The following GRIA4 variants were observed in gnomAD, a reference collection of about 807,000 sequenced individuals.
The protein encoded by GRIA4 is glutamate receptor 4.
A neutral mutation model predicts 104.0 loss-of-function variants in GRIA4; 34 were observed. That is an observed-to-expected ratio of 0.33 (90% CI 0.25 to 0.44). GRIA4 has a LOEUF of 0.44. Ranked by LOEUF, GRIA4 falls within the 20% of genes least tolerant of loss-of-function variation. The pLI, the probability that GRIA4 is intolerant of heterozygous loss-of-function variation, is 1.00. For synonymous variants in GRIA4, 386 were observed against 381.9 expected (o/e 1.01, Z -0.13); for missense variants, 750 against 1,096.5 (o/e 0.68, Z 4.46).
chr11:105,966,189 G>C, intron 14 of GRIA4: 1 of 642,442 alleles, frequency 1.6e-6, no homozygotes, highest in Non-Finnish European at 2.8e-6. Flanking sequence ...GCAAACTTAC[G>C]TATGCAGTTA....
intron 3 of GRIA4, among the ~76,000 whole-genome samples, chr11:105,619,658 T>G (rs1428273091): frequency 6.6e-6 from 1 of 151,960 alleles, no homozygotes; most frequent in Non-Finnish European, 1.5e-5. Flanking sequence ...AGGAGGTCAA[T>G]GAATTCTCCT....
chr11:105,903,936 T>C lies in GRIA4; in HGVS notation c.1008T>C (p.Ala336=). Residue 336 remains alanine (A), a synonymous_variant, in exon 8 of 17, where the codon GCT becomes GCC. Transcript: ENST00000282499. ...GNAGDCLANP[A]APWGQGIDME... ...CTGGGGATTGTCTGGCAAATCCTGC[T>C]GCTCCATGGGGCCAGGGAATTGACA... The C allele has an allele frequency of 1.2e-6, 2 of 1,613,600 alleles. No homozygotes were observed. Among genetic ancestry groups the C allele is most frequent in the Non-Finnish European group, 1.7e-6 (2 of 1,179,530 alleles).
intron 4 of GRIA4, among the ~76,000 whole-genome samples, chr11:105,819,902 G>A (rs1468628073): frequency 6.6e-6 from 1 of 152,050 alleles, no homozygotes; most frequent in African/African-American, 2.4e-5. Flanking sequence ...GGAGCAGGGT[G>A]GGCCTCTAAC....
chr11:105,744,183 G>A (rs1939504735), intron 3 of GRIA4, among the ~76,000 whole-genome samples: 1 of 151,996 alleles, frequency 6.6e-6, no homozygotes, highest in Non-Finnish European at 1.5e-5. Context: ...GCCCTGTCTT[G>A]TCCACTAGAC....
At chr11:105,636,324 C>G (rs1489777043) in intron 3 of GRIA4, among the ~76,000 whole-genome samples, 1 of 152,148 alleles carries the variant, frequency 6.6e-6, no homozygotes, top group African/African-American at 2.4e-5. Flanking sequence ...CTATACTTCT[C>G]TCATAATTTC....
chr11:105,779,955 A>G (rs1419765679), intron 4 of GRIA4, among the ~76,000 whole-genome samples: 2 of 152,216 alleles, frequency 1.3e-5, no homozygotes, highest in African/African-American at 2.4e-5. Flanking sequence ...GTGGGGGCAT[A>G]TCACACTGAC....
intron 5 of GRIA4, among the ~76,000 whole-genome samples, chr11:105,883,894 CAGTGTAAAAG>C (rs1946158804): frequency 1.3e-5 from 2 of 152,138 alleles, no homozygotes; most frequent in Non-Finnish European, 2.9e-5. Context: ...GTCCCACCAA[CAGTGTAAAAG>C]TGTTCCTAAT....
intron 4 of GRIA4, among the ~76,000 whole-genome samples, chr11:105,844,089 G>T (rs752805370): frequency 1.3e-5 from 2 of 152,086 alleles, no homozygotes; most frequent in Non-Finnish European, 2.9e-5. Context: ...AGTGCCCAAT[G>T]CCCCCTTTCA....
chr11:105,742,559 C>T (rs567847195), intron 3 of GRIA4, among the ~76,000 whole-genome samples: 63 of 151,626 alleles, frequency 4.2e-4, no homozygotes, highest in Non-Finnish European at 1.5e-4. Flanking sequence ...CACACACACA[C>T]ATATACATGT....
intron 4 of GRIA4, chr11:105,797,884 G>C (rs375575971): frequency 4.6e-6 from 2 of 432,328 alleles, no homozygotes; most frequent in Non-Finnish European, 9.2e-6. Flanking sequence ...CTTGATTGCT[G>C]ATTCAAATTT....
Position 105,672,463 on chromosome 11 carries a change from A to T in GRIA4, c.247+60029A>T, listed in dbSNP as rs113127299. Among the ~76,000 whole-genome samples, 597 of 152,302 alleles carry T rather than the reference A, an allele frequency of 3.9e-3. 11 individuals are homozygous for T. The highest frequency in any genetic ancestry group is 0.014 in the African/African-American group (582 of 41,580). On this transcript the variant is annotated intron_variant, in intron 3 of 16. Coordinates refer to ENST00000282499, the MANE Select transcript of GRIA4 (RefSeq NM_000829.4). ...AAGTTACTGAGAAAAATTAGTTTCA[A>T]TGTTACTGTATTCAGTTTACTATAA...
At chr11:105,695,478 CTGTGTG>C (rs368292284) in intron 3 of GRIA4, among the ~76,000 whole-genome samples, 103 of 135,250 alleles carry the variant, frequency 7.6e-4, no homozygotes, top group Non-Finnish European at 1.2e-3. Context: ...GTGTGTGTGT[CTGTGTG>C]TGTGTGTGTG....
intron 3 of GRIA4, among the ~76,000 whole-genome samples, chr11:105,632,612 C>T (rs1762017768): frequency 6.6e-6 from 1 of 152,126 alleles, no homozygotes; most frequent in African/African-American, 2.4e-5. Context: ...CTAGAAATAT[C>T]TAAAGCAATG....
At chr11:105,715,471 GCT>G (rs1254615159) in intron 3 of GRIA4, among the ~76,000 whole-genome samples, 2 of 152,054 alleles carry the variant, frequency 1.3e-5, no homozygotes, top group Non-Finnish European at 2.9e-5. Flanking sequence ...GATAGATGTT[GCT>G]CTCTCATTAA....
chr11:105,620,461 C>T (rs1950713669), intron 3 of GRIA4, among the ~76,000 whole-genome samples: 1 of 151,824 alleles, frequency 6.6e-6, no homozygotes, highest in Non-Finnish European at 1.5e-5. Flanking sequence ...GCCTGCCATT[C>T]ATACCACAGC....
chr11:105,951,381 A>T (rs922745174), intron 14 of GRIA4, among the ~76,000 whole-genome samples: 6 of 152,340 alleles, frequency 3.9e-5, no homozygotes, highest in Non-Finnish European at 8.8e-5. Flanking sequence ...ACTTTAGAAT[A>T]ATAATAACCA....
At chr11:105,661,494 A>C (rs975064717) in intron 3 of GRIA4, among the ~76,000 whole-genome samples, 1 of 151,686 alleles carries the variant, frequency 6.6e-6, no homozygotes, top group Non-Finnish European at 1.5e-5. Flanking sequence ...TAAGTAGAAA[A>C]ATGTGAAGAT....
At chr11:105,698,513 C>G (rs577785209) in intron 3 of GRIA4, among the ~76,000 whole-genome samples, 85 of 152,286 alleles carry the variant, frequency 5.6e-4, no homozygotes, top group African/African-American at 1.9e-3. Context: ...GGAGTTGAAT[C>G]TGTTTCCCTG....
At chr11:105,656,512 A>C (rs1951851356) in intron 3 of GRIA4, among the ~76,000 whole-genome samples, 2 of 152,156 alleles carry the variant, frequency 1.3e-5, no homozygotes, top group Admixed American at 1.3e-4. Context: ...CAAAAGCCAA[A>C]ATTGACAAAT....
Sources: gnomAD v4.1 joint callset for allele counts (sites outside exome capture counted in the v4.1 genomes callset) on GRCh38, gnomAD v4.1.1 for gene constraint, MANE v1.5 for transcripts, NCBI Gene and HGNC (gene_info 2026-07-23, HGNC 2026-07-21) for gene names.